PC: variants seen among roughly 807,000 people sequenced by gnomAD.
PC encodes pyruvate carboxylase.
PC carries 46 observed loss-of-function variants against 107.8 expected under a neutral mutation model. The ratio of observed to expected loss-of-function variants is 0.43; its 90% CI spans 0.34 to 0.55. PC has a LOEUF of 0.55. Among genes scored for constraint, PC ranks in the 20% least tolerant of loss-of-function variants. PC has a pLI of 0.04. For synonymous variants in PC, 662 were observed against 684.7 expected, an observed-to-expected ratio of 0.97 and a Z score of 0.52; for missense variants, 1,241 against 1,643.1, an observed-to-expected ratio of 0.76 and a Z score of 4.23.
chr11:66,873,491 A>G (rs1946846646), intron 3 of PC, among the ~76,000 whole-genome samples: 1 of 44,220 alleles, frequency 2.3e-5, no homozygotes, highest in Non-Finnish European at 3.9e-5. Flanking sequence ...ATAATATTAT[A>G]TATATTATAT....
At chr11:66,921,820 A>G (rs988346122) in intron 3 of PC, among the ~76,000 whole-genome samples, 1 of 152,226 alleles carries the variant, frequency 6.6e-6, no homozygotes, top group Non-Finnish European at 1.5e-5. Flanking sequence ...GTATTCTTTT[A>G]TATAAATTTA....
In PC at chr11:66,871,253, C is replaced by G; in HGVS notation, c.488-56G>C. 6.2e-7 allele frequency: 1 copy of G among 1,613,784 alleles called. No individual in the cohort carries two copies. The highest frequency in any genetic ancestry group is 8.5e-7 in the Non-Finnish European group (1 of 1,179,766). ...GTAACAGGCGGGAATCCCTGCCACC[C>G]CTCCCTGCTGGACCCTCTCCAGGAG... On this transcript the variant is annotated intron_variant, in intron 6 of 22. Coordinates refer to ENST00000393960, the MANE Select transcript of PC (RefSeq NM_001040716.2). This position sits in a 1 kb window ranked among gnomAD's most constrained non-coding sequence, Gnocchi z 7.4.
chr11:66,906,066 C>G (rs1470431499), intron 3 of PC, among the ~76,000 whole-genome samples: 1 of 152,068 alleles, frequency 6.6e-6, no homozygotes, highest in Non-Finnish European at 1.5e-5. Flanking sequence ...GGGCGGGGAG[C>G]CTGCAGTAAC....
At chr11:66,938,235 G>A (rs180858825) in intron 3 of PC, among the ~76,000 whole-genome samples, 13 of 152,088 alleles carry the variant, frequency 8.5e-5, no homozygotes, top group African/African-American at 2.9e-4. Flanking sequence ...TTTTTTCTGC[G>A]ATTTTTCCTG....
intron 3 of PC, among the ~76,000 whole-genome samples, chr11:66,880,692 CT>C (rs1947155183): frequency 6.6e-6 from 1 of 152,258 alleles, no homozygotes; most frequent in African/African-American, 2.4e-5. Flanking sequence ...TTCCTGCCAT[CT>C]TCACAGCACG....
At chr11:66,942,783 C>T (rs1264180267) in intron 3 of PC, among the ~76,000 whole-genome samples, 2 of 151,950 alleles carry the variant, frequency 1.3e-5, no homozygotes, top group African/African-American at 4.8e-5. Context: ...GAGGCCGAGG[C>T]GGGCGGATCA....
intron 3 of PC, among the ~76,000 whole-genome samples, chr11:66,914,060 G>T (rs17498954): frequency 0.062 from 9,512 of 152,226 alleles, 333 homozygotes; most frequent in Non-Finnish European, 0.087. Flanking sequence ...TCCTCTCTGG[G>T]GTTATCAAGC....
In PC at chr11:66,946,988, A is replaced by G. The variant is rs558188269; in HGVS notation, c.-1+5442T>C. Among the ~76,000 whole-genome samples, 54 of 152,278 alleles carry G rather than the reference A, an allele frequency of 3.5e-4. No individual in the cohort carries two copies. In the East Asian group the frequency reaches 6.9e-3, roughly 20 times the overall value. On this transcript the variant is annotated intron_variant, in intron 3 of 22. Coordinates refer to ENST00000393960, the MANE Select transcript of PC (RefSeq NM_001040716.2). ...ATGGCTAAAATTTAAAAGACTAACCATAGCCAGTGTTGGGGAGGATGAAGA... is the reference window on the plus strand; with the variant it reads ...ATGGCTAAAATTTAAAAGACTAACCGTAGCCAGTGTTGGGGAGGATGAAGA...
rs1945990294 is a variant in PC at position 66,858,212 on chromosome 11, C to T, written c.1369-4829G>A. ...AGGACCTGGACCTGTCCTACAACAA[C>T]CTCCGGCAGGTGCCCTGGGCCGGCA... On this transcript the variant is annotated intron_variant, in intron 12 of 22. Coordinates refer to ENST00000393960, the MANE Select transcript of PC (RefSeq NM_001040716.2). This position sits in a 1 kb window ranked among gnomAD's most constrained non-coding sequence, Gnocchi z 5.9. 2 of 1,612,506 alleles carry T rather than the reference C, an allele frequency of 1.2e-6. No homozygotes were observed. The highest frequency in any genetic ancestry group is 1.1e-5 in the South Asian group (1 of 91,070).
chr11:66,870,600 G>T lies in PC; in HGVS notation c.752-147C>A. ...CCAGGAGAGACACCAGCATCACCAA[G>T]GCTGTGAGGACCAACTGCCAGCTCG... On this transcript the variant is annotated intron_variant, in intron 8 of 22. Transcript: ENST00000393960. The surrounding 1 kb of genome is among the most constrained non-coding windows in gnomAD (Gnocchi z 6.1). 1 of 1,162,584 alleles carries T rather than the reference G, an allele frequency of 8.6e-7. No homozygotes were observed. Among genetic ancestry groups the T allele is most frequent in the Non-Finnish European group, 1.3e-6 (1 of 791,460 alleles). 72.0% of individuals were successfully genotyped at this position (1,162,584 alleles called of 1,614,324 possible).
chr11:66,866,269 C>T lies in PC; in HGVS notation c.1103G>A (p.Arg368His), dbSNP rs759168945. Reference protein sequence around the residue: ...PDLGLRQENIRINGCAIQCRV... With the variant: ...PDLGLRQENIHINGCAIQCRV... ...GCACTGGATGGCACACCCGTTGATG[C>T]GGATGTTCTCCTGCCGCAGGCCCAG... The change falls in exon 11 of 23, where the codon CGC becomes CAC. Residue 368 changes from arginine (R) to histidine (H), a missense_variant. By Grantham distance (29) the Arg-to-His change is conservative (BLOSUM62 0). Around this residue, in one of 2 missense-constraint regions of PC, gnomAD observed 1,143 missense variants for 1,551.9 expected, o/e 0.74. Coordinates refer to ENST00000393960, the MANE Select transcript of PC (RefSeq NM_001040716.2). The surrounding 1 kb of genome is among the most constrained non-coding windows in gnomAD (Gnocchi z 5.4). 11 of 1,613,016 alleles carry T rather than the reference C, an allele frequency of 6.8e-6. No homozygotes were observed. Among genetic ancestry groups the T allele is most frequent in the South Asian group, 1.1e-5 (1 of 91,070 alleles).
chr11:66,860,235 C>G (rs909744017), intron 12 of PC: 5 of 1,538,876 alleles, frequency 3.2e-6, no homozygotes, highest in African/African-American at 1.4e-5. Context: ...GGATGAGCCT[C>G]GTGGGGCAGA....
chr11:66,920,208 C>T (rs1591283296), intron 3 of PC, among the ~76,000 whole-genome samples: 1 of 152,052 alleles, frequency 6.6e-6, no homozygotes, highest in African/African-American at 2.4e-5. Context: ...CTTCACAGGC[C>T]AACACGATGA....
Position 66,902,154 on chromosome 11 carries a change from G to A in PC, c.1-29995C>T, listed in dbSNP as rs114792699. 3.6e-3 allele frequency among the ~76,000 whole-genome samples: 548 copies of A among 152,330 alleles called. 1 individual carries two copies. The highest frequency in any genetic ancestry group is 0.013 in the African/African-American group (521 of 41,562). Reference sequence around the variant, plus strand: ...ACCCAGGCAGGACATGGCCTTGACTGTGTTTGCTGCTGTTTTCTCTCCCTA... The same window carrying A: ...ACCCAGGCAGGACATGGCCTTGACTATGTTTGCTGCTGTTTTCTCTCCCTA... On this transcript the variant is annotated intron_variant, in intron 3 of 22. Coordinates refer to ENST00000393960, the MANE Select transcript of PC (RefSeq NM_001040716.2).
intron 3 of PC, among the ~76,000 whole-genome samples, chr11:66,884,274 T>A (rs1276518764): frequency 6.9e-6 from 1 of 144,756 alleles, no homozygotes; most frequent in East Asian, 2.0e-4. Context: ...TAGCTGGGCA[T>A]GGTGGTGCCC....
intron 3 of PC, among the ~76,000 whole-genome samples, chr11:66,912,560 G>A (rs1184695762): frequency 6.6e-6 from 1 of 152,198 alleles, no homozygotes; most frequent in Non-Finnish European, 1.5e-5. Flanking sequence ...CGTAAAGGGT[G>A]GAGTTCAGCT....
At chr11:66,942,498 C>T (rs2136135347) in intron 3 of PC, among the ~76,000 whole-genome samples, 1 of 151,940 alleles carries the variant, frequency 6.6e-6, no homozygotes, top group Middle Eastern at 3.4e-3. Context: ...AAGACAAATA[C>T]CGTATGATTC....
intron 3 of PC, among the ~76,000 whole-genome samples, chr11:66,900,500 C>T (rs1458603140): frequency 1.1e-4 from 17 of 152,048 alleles, no homozygotes. Flanking sequence ...TGTTCTGGTT[C>T]CCTTACATTT....
chr11:66,858,887 G>C lies in PC; in HGVS notation c.1368+4887C>G, dbSNP rs1245409058. ...ATGGTGGGAACAGCAGTGCCGAGGG[G>C]GGCCGCCCCGGGCCCTCGGACATCG... is the stretch of plus-strand genomic sequence containing the variant. On this transcript the variant is annotated intron_variant, in intron 12 of 22. Transcript: ENST00000393960. The surrounding 1 kb of genome is among the most constrained non-coding windows in gnomAD (Gnocchi z 5.9). 22 of 1,552,686 alleles carry C rather than the reference G, an allele frequency of 1.4e-5. No individual in the cohort carries two copies. The highest frequency in any genetic ancestry group is 1.8e-5 in the Non-Finnish European group (21 of 1,149,034).
Sources: gnomAD v4.1 joint callset for allele counts (sites outside exome capture counted in the v4.1 genomes callset) on GRCh38, gnomAD v4.1.1 for gene constraint, gnomAD v4.1.1 regional missense constraint, Gnocchi (gnomAD v3.1) non-coding constraint, MANE v1.5 for transcripts, NCBI Gene and HGNC (gene_info 2026-07-23, HGNC 2026-07-21) for gene names.